The following DGLUCY variants were observed in gnomAD, a reference collection of about 807,000 sequenced individuals.
The protein encoded by DGLUCY is D-glutamate cyclase.
In DGLUCY, 58 loss-of-function variants were observed where a neutral mutation model predicts 58.5. The ratio of observed to expected loss-of-function variants is 0.99; its 90% confidence interval spans 0.80 to 1.23. The LOEUF (loss-of-function observed/expected upper bound fraction) is 1.23. Ranked by LOEUF, DGLUCY falls within the 50% of genes most tolerant of loss-of-function variation. The pLI, the probability that DGLUCY is intolerant of heterozygous loss-of-function variation, is 0.00. For missense variants in DGLUCY, 779 were observed against 784.7 expected (o/e 0.99, Z 0.09); for synonymous variants, 325 against 314.1 (o/e 1.03, Z -0.37).
intron 1 of DGLUCY, among the ~76,000 whole-genome samples, chr14:91,097,163 A>G (rs2044408533): frequency 6.6e-6 from 1 of 152,184 alleles, no homozygotes; most frequent in Non-Finnish European, 1.5e-5. Flanking sequence ...TTAGGAGTTC[A>G]AAGCAGGAAG....
upstream of DGLUCY, among the ~76,000 whole-genome samples, chr14:91,106,004 A>C (rs1471191069): frequency 6.6e-6 from 1 of 152,226 alleles, no homozygotes; most frequent in Non-Finnish European, 1.5e-5. Context: ...TACAGTAAAA[A>C]TACGGCATTA....
At chr14:91,160,033 A>T (rs2047888539) in intron 2 of DGLUCY, among the ~76,000 whole-genome samples, 1 of 152,174 alleles carries the variant, frequency 6.6e-6, no homozygotes, top group African/African-American at 2.4e-5. Context: ...GGGAAGGGGG[A>T]CGTTCCAGGC....
chr14:91,081,607 G>C (rs1460823285), intron 1 of DGLUCY, among the ~76,000 whole-genome samples: 1 of 152,200 alleles, frequency 6.6e-6, no homozygotes, highest in African/African-American at 2.4e-5. Context: ...CTATTTGGAA[G>C]CTCTAGGGGA....
chr14:91,195,748 G>A (rs1291932527), intron 9 of DGLUCY, among the ~76,000 whole-genome samples: 1 of 141,626 alleles, frequency 7.1e-6, no homozygotes, highest in Non-Finnish European at 1.5e-5. Flanking sequence ...TCGGCTCACT[G>A]CAACCTCTGC....
chr14:91,142,046 A>G (rs1242942874), intron 1 of DGLUCY, among the ~76,000 whole-genome samples: 1 of 151,546 alleles, frequency 6.6e-6, no homozygotes, highest in Non-Finnish European at 1.5e-5. Flanking sequence ...AGGTTTCATC[A>G]TGTTGACCAG....
At chr14:91,169,877 C>A in intron 4 of DGLUCY, 126 bp from the exon 5 acceptor site, 1 of 972,090 alleles carries the variant, frequency 1.0e-6, no homozygotes, top group Non-Finnish European at 1.6e-6. Context: ...GCTCCCTACC[C>A]TGGTGCCAGG....
chr14:91,179,007 G>A (rs953185596), intron 7 of DGLUCY, among the ~76,000 whole-genome samples: 1 of 152,134 alleles, frequency 6.6e-6, no homozygotes, highest in Non-Finnish European at 1.5e-5. Context: ...CTGGGTGATA[G>A]AGCGAGACTC....
chr14:91,204,946 GA>G (rs1047413699), intron 12 of DGLUCY, 121 bp downstream of exon 12: 1 of 1,356,790 alleles, frequency 7.4e-7, no homozygotes, highest in Admixed American at 2.0e-5. Flanking sequence ...CCAGGGCAGG[GA>G]GGGGAGGTGG....
chr14:91,126,562 C>G (rs1221494737), intron 1 of DGLUCY: 4 of 215,384 alleles, frequency 1.9e-5, no homozygotes, highest in Non-Finnish European at 1.0e-5. Context: ...ATTGAAAAAA[C>G]AAAAAACGTG....
Position 91,196,419 on chromosome 14 carries a change from T to C in DGLUCY, c.1240T>C (p.Ser414Pro). ...QIPILTYQGGSVEAAQAFLCK... is the reference protein window; with the variant it reads ...QIPILTYQGGPVEAAQAFLCK... ...CCCGATATTAACTTACCAAGGTGGA[T>C]CAGTGGAAGCTGCTCAGGCATTCCT... The change falls in exon 10 of 14, where the codon TCA (serine) becomes CCA (proline). Residue 414 changes from serine to proline, a missense_variant. Transcript: ENST00000256324. The C allele has an allele frequency of 6.2e-7, 1 of 1,614,068 alleles. No homozygotes were observed. The highest frequency in any genetic ancestry group is 2.2e-5 in the East Asian group (1 of 44,888).
chr14:91,204,204 A>AGT (rs2050741325), intron 11 of DGLUCY, among the ~76,000 whole-genome samples: 1 of 152,246 alleles, frequency 6.6e-6, no homozygotes, highest in African/African-American at 2.4e-5. Flanking sequence ...CCACACTTGG[A>AGT]GTGTGTATTC....
intron 1 of DGLUCY, among the ~76,000 whole-genome samples, chr14:91,075,842 A>G (rs2044010709): frequency 6.6e-6 from 1 of 152,158 alleles, no homozygotes; most frequent in Non-Finnish European, 1.5e-5. Context: ...GCCGGGAGCA[A>G]TGGCTCATGC....
intron 8 of DGLUCY, among the ~76,000 whole-genome samples, chr14:91,187,034 C>G (rs896732037): frequency 1.3e-5 from 2 of 151,586 alleles, no homozygotes; most frequent in African/African-American, 4.9e-5. Context: ...GAGTCTTGCT[C>G]TGTCACCCAG....
Position 91,173,381 on chromosome 14 carries a change from G to A in DGLUCY, c.549G>A (p.Val183=), listed in dbSNP as rs989255751. ...CCAAGGACAAGCTGGAAGGGCTGGTGCGGGCCTGCTGCTCCCTCGGAGGTG... is the reference window on the plus strand; with the variant it reads ...CCAAGGACAAGCTGGAAGGGCTGGTACGGGCCTGCTGCTCCCTCGGAGGTG... ...PIPKDKLEGL[V]RACCSLGGEQ... is the part of the protein sequence containing the mutation. Residue 183 remains valine, a synonymous_variant, in exon 6 of 14, where the codon GTG becomes GTA. Coordinates refer to ENST00000256324, the MANE Select transcript of DGLUCY (RefSeq NM_001102368.3). 6.2e-7 allele frequency: 1 copy of A among 1,612,998 alleles called. No individual in the cohort carries two copies. Among genetic ancestry groups the A allele is most frequent in the Non-Finnish European group, 8.5e-7 (1 of 1,179,694 alleles).
intron 12 of DGLUCY, among the ~76,000 whole-genome samples, chr14:91,207,186 AG>A (rs1335984341): frequency 7.5e-6 from 1 of 132,952 alleles, no homozygotes; most frequent in Non-Finnish European, 1.7e-5. Flanking sequence ...AAGAGGAAGT[AG>A]ATAGAGATCA....
At chr14:91,137,606 AG>A in intron 1 of DGLUCY, among the ~76,000 whole-genome samples, 2 of 149,730 alleles carry the variant, frequency 1.3e-5, no homozygotes, top group Non-Finnish European at 3.0e-5. Flanking sequence ...CATGTTGGCC[AG>A]GATGGTCTTG....
intron 13 of DGLUCY, among the ~76,000 whole-genome samples, chr14:91,216,703 A>T: frequency 6.6e-6 from 1 of 151,128 alleles, no homozygotes. Flanking sequence ...GGACCCAAGG[A>T]CACTGTGACT....
intron 1 of DGLUCY, among the ~76,000 whole-genome samples, chr14:91,092,044 C>T (rs980532466): frequency 1.3e-5 from 2 of 152,192 alleles, no homozygotes; most frequent in African/African-American, 4.8e-5. Flanking sequence ...ATTCCTTTCT[C>T]ATTCCTGCCT....
At chr14:91,079,556 AT>A (rs2044090161) in intron 1 of DGLUCY, among the ~76,000 whole-genome samples, 1 of 151,968 alleles carries the variant, frequency 6.6e-6, no homozygotes, top group Admixed American at 6.6e-5. Flanking sequence ...GTTTCGCCAT[AT>A]GGGCCGGGCT....
Sources: gnomAD v4.1 joint callset for allele counts (sites outside exome capture counted in the v4.1 genomes callset) on GRCh38, gnomAD v4.1.1 for gene constraint, MANE v1.5 for transcripts, NCBI Gene and HGNC (gene_info 2026-07-23, HGNC 2026-07-21) for gene names.